AGPAT5: variants seen among roughly 807,000 people sequenced by gnomAD.
AGPAT5 encodes the protein 1-acylglycerol-3-phosphate O-acyltransferase 5, also known as 1-acyl-sn-glycerol-3-phosphate acyltransferase epsilon.
Under a neutral mutation model 45.6 loss-of-function variants are expected in AGPAT5, and 46 were observed. The ratio of observed to expected loss-of-function variants is 1.01; its 90% confidence interval spans 0.80 to 1.29. The LOEUF is 1.29. Among genes scored for constraint, AGPAT5 ranks in the 50% most tolerant of loss-of-function variants. AGPAT5 has a pLI of 0.00. For synonymous variants in AGPAT5, 272 were observed against 167.0 expected (o/e 1.63, Z -4.85); for missense variants, 673 against 450.7 (o/e 1.49, Z -4.47).
intron 4 of AGPAT5, among the ~76,000 whole-genome samples, chr8:6,734,364 G>A (rs1448108421): frequency 6.6e-6 from 1 of 151,012 alleles, no homozygotes; most frequent in Non-Finnish European, 1.5e-5. Context: ...TCTTCCTTTG[G>A]CTGTGTTGAG....
chr8:6,713,020 T>C (rs920301235), intron 1 of AGPAT5, among the ~76,000 whole-genome samples: 1 of 152,162 alleles, frequency 6.6e-6, no homozygotes, highest in Non-Finnish European at 1.5e-5. Context: ...TGAGTCAGGG[T>C]CTTCTTCTGT....
chr8:6,729,144 A>G (rs1014491504), intron 2 of AGPAT5, among the ~76,000 whole-genome samples: 10 of 152,342 alleles, frequency 6.6e-5, no homozygotes, highest in African/African-American at 2.4e-4. Context: ...ATGTATAATA[A>G]TGGATAAGAG....
intron 1 of AGPAT5, among the ~76,000 whole-genome samples, chr8:6,719,336 C>T (rs1281136850): frequency 6.6e-6 from 1 of 152,178 alleles, no homozygotes; most frequent in African/African-American, 2.4e-5. Flanking sequence ...AGACAGACTA[C>T]TTGCAGGATC....
At chr8:6,713,586 C>T (rs1306316737) in intron 1 of AGPAT5, among the ~76,000 whole-genome samples, 1 of 152,184 alleles carries the variant, frequency 6.6e-6, no homozygotes, top group Non-Finnish European at 1.5e-5. Flanking sequence ...CAGAATCTCA[C>T]ACTGTTGCCC....
In AGPAT5 at chr8:6,735,848, C is replaced by CTTTTTTTTTTTTTTTTTTTTTTTTTTTT. The variant is rs1563295313; in HGVS notation, c.495+3198_495+3199insTTTTTTTTTTTTTTTTTTTTTTTTTTTT. ...GTGTTCCTGTTTATTCTTTATATAG[C>CTTTTTTTTTTTTTTTTTTTTTTTTTTTT]CTTTTTTTTTTTTTTTTTTTTTTTG... On this transcript the variant is annotated intron_variant, in intron 4 of 7. Transcript: ENST00000285518. Among the ~76,000 whole-genome samples, 2 of 53,614 alleles carry CTTTTTTTTTTTTTTTTTTTTTTTTTTTT rather than the reference C, an allele frequency of 3.7e-5. 1 individual carries two copies. 35.2% of individuals were successfully genotyped at this position (53,614 alleles called of 152,430 possible).
chr8:6,742,764 TG>T (rs573979576), intron 5 of AGPAT5, among the ~76,000 whole-genome samples: 93 of 152,330 alleles, frequency 6.1e-4, no homozygotes, highest in African/African-American at 2.2e-3. Context: ...TGACATCATT[TG>T]TAACAGTACT....
At chr8:6,725,104 C>CA (rs1800641490) in intron 2 of AGPAT5, among the ~76,000 whole-genome samples, 165 bp downstream of exon 2, 1 of 152,136 alleles carries the variant, frequency 6.6e-6, no homozygotes, top group Non-Finnish European at 1.5e-5. Context: ...TTTGGAAAGT[C>CA]AGAAACTTGA....
intron 4 of AGPAT5, among the ~76,000 whole-genome samples, chr8:6,740,424 TTTC>T (rs1363136887): frequency 2.0e-5 from 3 of 150,578 alleles, no homozygotes; most frequent in Admixed American, 2.0e-4. Flanking sequence ...TTTTCTACAT[TTTC>T]TTAACAGATC....
chr8:6,708,967 G>C (rs1800038958), intron 1 of AGPAT5, 80 bp downstream of exon 1: 1 of 1,410,908 alleles, frequency 7.1e-7, no homozygotes, highest in African/African-American at 1.4e-5. Context: ...CCCACAGCTG[G>C]CGAGGGTCAC....
chr8:6,742,346 A>G (rs1436217100), intron 5 of AGPAT5, among the ~76,000 whole-genome samples: 1 of 152,238 alleles, frequency 6.6e-6, no homozygotes, highest in Non-Finnish European at 1.5e-5. Flanking sequence ...TAATATCCAT[A>G]TTTTAGAAAA....
At position 6,735,848 on chromosome 8, in the gene AGPAT5, C is replaced by CTTTTTTTTTTTTTTTTTTTTTTTTT. The variant is rs1563295313; in HGVS notation, c.495+3198_495+3199insTTTTTTTTTTTTTTTTTTTTTTTTT. Among the ~76,000 whole-genome samples the CTTTTTTTTTTTTTTTTTTTTTTTTT allele has an allele frequency of 7.5e-5, 4 of 53,614 alleles. 1 individual carries two copies. The highest frequency in any genetic ancestry group is 1.1e-4 in the African/African-American group (2 of 18,162). 35.2% of individuals were successfully genotyped at this position (53,614 alleles called of 152,430 possible). A position where few individuals can be genotyped will look rare whatever the true frequency, so the allele number is the denominator to read the frequency against. On this transcript the variant is annotated intron_variant, in intron 4 of 7. Transcript: ENST00000285518. ...GTGTTCCTGTTTATTCTTTATATAG[C>CTTTTTTTTTTTTTTTTTTTTTTTTT]CTTTTTTTTTTTTTTTTTTTTTTTG...
At chr8:6,709,307 A>G (rs1012946334) in intron 1 of AGPAT5, 1 of 206,014 alleles carries the variant, frequency 4.9e-6, no homozygotes, top group African/African-American at 2.4e-5. Context: ...AAACAGAAGT[A>G]CAATTCGGTC....
intron 2 of AGPAT5, among the ~76,000 whole-genome samples, chr8:6,728,903 T>G (rs1480038766): frequency 6.6e-6 from 1 of 152,216 alleles, no homozygotes; most frequent in Non-Finnish European, 1.5e-5. Context: ...AACAGGAATT[T>G]ATATACTTTA....
intron 1 of AGPAT5, among the ~76,000 whole-genome samples, chr8:6,721,657 T>C (rs533801515): frequency 5.9e-5 from 9 of 152,314 alleles, no homozygotes; most frequent in East Asian, 1.9e-4. Context: ...CAAGTCTTAA[T>C]TGAAGTCCAT....
intron 5 of AGPAT5, among the ~76,000 whole-genome samples, chr8:6,744,847 C>T (rs1587052959): frequency 1.3e-5 from 2 of 152,346 alleles, no homozygotes; most frequent in East Asian, 1.9e-4. Flanking sequence ...TCTGTTCCTG[C>T]CCTGCCTTTC....
chr8:6,738,898 T>G (rs1801146237), intron 4 of AGPAT5, among the ~76,000 whole-genome samples: 1 of 152,152 alleles, frequency 6.6e-6, no homozygotes. Context: ...TTGCCAAACT[T>G]AAGGTTGCTA....
intron 2 of AGPAT5, among the ~76,000 whole-genome samples, chr8:6,727,134 G>C (rs879116191): frequency 1.3e-5 from 2 of 152,180 alleles, no homozygotes; most frequent in Admixed American, 1.3e-4. Context: ...ATATTTCAAA[G>C]ACTGTTGTTC....
intron 3 of AGPAT5, 68 bp from the exon 4 acceptor site, chr8:6,732,493 T>A: frequency 7.4e-6 from 10 of 1,344,788 alleles, no homozygotes; most frequent in Non-Finnish European, 1.0e-5. Context: ...AGAAGTTGCC[T>A]TTTTGATGAC....
intron 4 of AGPAT5, among the ~76,000 whole-genome samples, 197 bp from the exon 5 acceptor site, chr8:6,741,464 T>C (rs1422958287): frequency 6.6e-6 from 1 of 152,272 alleles, no homozygotes; most frequent in Admixed American, 6.5e-5. Context: ...ATTTAAAATA[T>C]AGTTCACGTT....
Sources: allele counts gnomAD v4.1 joint callset (sites outside exome capture counted in the v4.1 genomes callset), GRCh38; gene constraint gnomAD v4.1.1; transcripts MANE v1.5; gene names NCBI Gene and HGNC (gene_info 2026-07-23, HGNC 2026-07-21).